MEAF6: variants seen among roughly 807,000 people sequenced by gnomAD.
The protein encoded by MEAF6 is chromatin modification-related protein MEAF6.
A neutral mutation model predicts 28.9 loss-of-function variants in MEAF6; 15 were observed. The observed-to-expected ratio is 0.52, with a 90% CI of 0.35 to 0.80. The LOEUF is 0.80. MEAF6 is among the 30% of genes least tolerant of loss of function. The pLI, the probability that MEAF6 is intolerant of heterozygous loss-of-function variation, is 0.01. For synonymous variants in MEAF6, 97 were observed against 88.7 expected (o/e 1.09, Z -0.53); for missense variants, 178 against 237.5 (o/e 0.75, Z 1.65).
intron 4 of MEAF6, among the ~76,000 whole-genome samples, chr1:37,504,962 C>T (rs1301512812): frequency 6.6e-6 from 1 of 151,754 alleles, no homozygotes; most frequent in African/African-American, 2.4e-5. Flanking sequence ...TGGCTCACTG[C>T]CATCTCCACC....
In MEAF6 at chr1:37,492,797, A is replaced by G. The variant is rs1385964541; in HGVS notation, c.*1302T>C. On this transcript the variant is annotated 3_prime_UTR_variant, in exon 7 of 7. Transcript: ENST00000296214. ...CCAAATCTTATCCCTTAGACCAATC[A>G]TAACATAGGATGTAAATTAAACCAT... 6.6e-6 allele frequency: 1 copy of G among 152,562 alleles called. No individual in the cohort carries two copies. Among genetic ancestry groups the G allele is most frequent in the African/African-American group, 2.4e-5 (1 of 41,460 alleles). The allele number at this position is 152,562 out of a possible 1,614,324, so 9.5% of individuals were successfully genotyped here. A position where few individuals can be genotyped will look rare whatever the true frequency, so the allele number is the denominator to read the frequency against.
At chr1:37,511,355 T>TAATA (rs1642664580) in intron 2 of MEAF6, among the ~76,000 whole-genome samples, 2 of 152,184 alleles carry the variant, frequency 1.3e-5, no homozygotes, top group Non-Finnish European at 2.9e-5. Flanking sequence ...AGAATGCCAG[T>TAATA]AATAAATATA....
chr1:37,514,010 G>A lies in MEAF6; in HGVS notation c.91-472C>T, dbSNP rs555692054. ...CCTAGAAGGGCAGCTTCAGGTGAGA[G>A]GGGCCTCCCGGGTGCCCAAGCCGAG... On this transcript the variant is annotated intron_variant, in intron 1 of 6. Coordinates refer to ENST00000296214, the MANE Select transcript of MEAF6 (RefSeq NM_001270875.3). 1.8e-3 allele frequency: 314 copies of A among 177,304 alleles called. 6 individuals carry two copies. The highest frequency in any genetic ancestry group is 6.9e-4 in the Non-Finnish European group (58 of 83,976). The allele number at this position is 177,304 out of a possible 1,614,324, so 11.0% of individuals were successfully genotyped here. A position where few individuals can be genotyped will look rare whatever the true frequency, so the allele number is the denominator to read the frequency against.
chr1:37,513,414 G>A lies in MEAF6; in HGVS notation c.206+9C>T, dbSNP rs1196511873. ...CACAATAGGAACACTACAGGCTTTC[G>A]ACACTCACTTTTGGTTGGTCAGATA... On this transcript the variant is annotated intron_variant, in intron 2 of 6. Coordinates refer to ENST00000296214, the MANE Select transcript of MEAF6 (RefSeq NM_001270875.3). 1 of 1,606,136 alleles carries A rather than the reference G, an allele frequency of 6.2e-7. No homozygotes were observed. Among genetic ancestry groups the A allele is most frequent in the Admixed American group, 1.7e-5 (1 of 60,000 alleles).
At chr1:37,501,727 A>G (rs1413833667) in intron 5 of MEAF6, 77 bp downstream of exon 5, 3 of 1,327,260 alleles carry the variant, frequency 2.3e-6, no homozygotes, top group East Asian at 2.4e-5. Context: ...CAGCAATCCT[A>G]AAGAGTTTTT....
chr1:37,503,738 TG>T (rs1239354101), intron 4 of MEAF6, among the ~76,000 whole-genome samples: 3 of 141,258 alleles, frequency 2.1e-5, no homozygotes, highest in Non-Finnish European at 4.5e-5. Flanking sequence ...CCGAGGTGGG[TG>T]GATCACCTGA....
rs1014388030 is a variant in MEAF6, at chr1:37,491,017, ACT to A, written c.*3080_*3081del. Among the ~76,000 whole-genome samples, 3 of 152,106 alleles carry A rather than the reference ACT, an allele frequency of 2.0e-5. No homozygotes were observed. The highest frequency in any genetic ancestry group is 2.1e-4 in the South Asian group (1 of 4,822). On this transcript the variant is annotated 3_prime_UTR_variant, in exon 7 of 7. Coordinates refer to ENST00000296214, the MANE Select transcript of MEAF6 (RefSeq NM_001270875.3). ...ACTCCAGCCTGGACGACAGAGCAAGACTCTGTCTCAAAAAAATAAATAAATAA... is the reference window on the plus strand; with the variant it reads ...ACTCCAGCCTGGACGACAGAGCAAGACTGTCTCAAAAAAATAAATAAATAA...
At chr1:37,507,788 G>A (rs1642534724) in intron 4 of MEAF6, among the ~76,000 whole-genome samples, 1 of 150,954 alleles carries the variant, frequency 6.6e-6, no homozygotes, top group South Asian at 2.1e-4. Flanking sequence ...TCGTGCCACT[G>A]CACTCCAGCC....
chr1:37,493,645 G>T lies in MEAF6; in HGVS notation c.*454C>A. On this transcript the variant is annotated 3_prime_UTR_variant, in exon 7 of 7. Coordinates refer to ENST00000296214, the MANE Select transcript of MEAF6 (RefSeq NM_001270875.3). ...AAAGAAAATAAGATAAAAACAACAAGAGAAAAACAAGAAAACATAAAACAA... is the reference window on the plus strand; with the variant it reads ...AAAGAAAATAAGATAAAAACAACAATAGAAAAACAAGAAAACATAAAACAA... The T allele has an allele frequency of 1.2e-6, 1 of 851,180 alleles. No individual in the cohort carries two copies. The highest frequency in any genetic ancestry group is 1.9e-6 in the Non-Finnish European group (1 of 535,326). The allele number at this position is 851,180 out of a possible 1,614,324, so 52.7% of individuals were successfully genotyped here. A position where few individuals can be genotyped will look rare whatever the true frequency, so the allele number is the denominator to read the frequency against.
chr1:37,495,684 CAAAAAAAAAAAACAAAAAACAAA>C (rs1233844801), intron 6 of MEAF6, among the ~76,000 whole-genome samples, 178 bp downstream of exon 6: 1 of 70,560 alleles, frequency 1.4e-5, no homozygotes, highest in Non-Finnish European at 2.5e-5. Context: ...AACTGTCTCT[CAAAAAAAAAAAACAAAAAACAAA>C]AAAAAAAAAA....
chr1:37,495,982 C>T (rs1422205171), intron 5 of MEAF6, 64 bp from the exon 6 acceptor site: 1 of 1,336,242 alleles, frequency 7.5e-7, no homozygotes, highest in Non-Finnish European at 1.1e-6. Flanking sequence ...CCACAATCAG[C>T]TACTGCATAG....
In MEAF6 at chr1:37,491,891, T is replaced by G. The variant is rs974442131; in HGVS notation, c.*2208A>C. Among the ~76,000 whole-genome samples, 5 of 151,296 alleles carry G rather than the reference T, an allele frequency of 3.3e-5. No individual in the cohort carries two copies. Among genetic ancestry groups the G allele is most frequent in the African/African-American group, 1.2e-4 (5 of 41,294 alleles). On this transcript the variant is annotated 3_prime_UTR_variant, in exon 7 of 7. Coordinates refer to ENST00000296214, the MANE Select transcript of MEAF6 (RefSeq NM_001270875.3). ...CAGTTTCATAAATACGTAAATAATC[T>G]TTTTAAGAGCAGTACTATTCTTTCT...
At position 37,493,906 on chromosome 1, in the gene MEAF6, G is replaced by C; in HGVS notation, c.*193C>G. On this transcript the variant is annotated 3_prime_UTR_variant, in exon 7 of 7. Coordinates refer to ENST00000296214, the MANE Select transcript of MEAF6 (RefSeq NM_001270875.3). The stretch of plus-strand genomic sequence containing the variant: ...GTTCTGTTACTAAAAATGACATAAA[G>C]TAAGACCCAATGTCTTACAGAAATG... 1.3e-6 allele frequency: 2 copies of C among 1,587,284 alleles called. No homozygotes were observed. Among genetic ancestry groups the C allele is most frequent in the Non-Finnish European group, 1.7e-6 (2 of 1,168,658 alleles).
chr1:37,506,419 G>T (rs1642484573), intron 4 of MEAF6, among the ~76,000 whole-genome samples: 1 of 152,148 alleles, frequency 6.6e-6, no homozygotes, highest in Non-Finnish European at 1.5e-5. Context: ...TGTCGCCCAG[G>T]CTAGAGTACA....
chr1:37,509,219 TG>T, intron 4 of MEAF6, 58 bp downstream of exon 4: 1 of 1,390,956 alleles, frequency 7.2e-7, no homozygotes, highest in South Asian at 1.2e-5. Flanking sequence ...ATGAATTAAG[TG>T]TAAGGGTGAT....
At chr1:37,496,886 A>C (rs1329904998) in intron 5 of MEAF6, 1 of 754,654 alleles carries the variant, frequency 1.3e-6, no homozygotes, top group East Asian at 3.2e-5. Context: ...AAAGCACCAA[A>C]GATTTTGTGG....
chr1:37,509,312 T>C lies in MEAF6; in HGVS notation c.306A>G (p.Ala102=), dbSNP rs146885705. ...TGAGCTGGTCCTGAACTCCTGCCAA[T>C]GCACTTACTGCCTAAAAGAAAAGCC... ...SSVTSAAAVS[A]LAGVQDQLIE... Residue 102 remains alanine (A), a synonymous_variant, in exon 4 of 7, where the codon GCA becomes GCG. Transcript: ENST00000296214. 92 of 1,613,952 alleles carry C rather than the reference T, an allele frequency of 5.7e-5. No individual in the cohort carries two copies. Among genetic ancestry groups the C allele is most frequent in the Non-Finnish European group, 5.9e-5 (70 of 1,179,994 alleles).
chr1:37,507,602 G>A (rs1196988182), intron 4 of MEAF6, among the ~76,000 whole-genome samples: 1 of 152,142 alleles, frequency 6.6e-6, no homozygotes, highest in Non-Finnish European at 1.5e-5. Flanking sequence ...CAAAAAATCT[G>A]TGAAGACAAA....
chr1:37,502,880 A>T (rs1026476667), intron 4 of MEAF6, among the ~76,000 whole-genome samples: 3 of 151,880 alleles, frequency 2.0e-5, no homozygotes, highest in African/African-American at 7.3e-5. Flanking sequence ...TCAGCCTTCC[A>T]AAGTGCTGAG....
Sources: allele counts gnomAD v4.1 joint callset (sites outside exome capture counted in the v4.1 genomes callset), GRCh38; gene constraint gnomAD v4.1.1; transcripts MANE v1.5; gene names NCBI Gene and HGNC (gene_info 2026-07-23, HGNC 2026-07-21).